Variants in GRIA1 observed in about 807,000 individuals in gnomAD.
GRIA1 encodes glutamate receptor 1.
In GRIA1, 31 loss-of-function variants were observed where a neutral mutation model predicts 99.2. The ratio of observed to expected loss-of-function variants is 0.31; its 90% CI spans 0.23 to 0.42. The LOEUF (loss-of-function observed/expected upper bound fraction) is 0.42. Ranked by LOEUF, GRIA1 falls within the 10% of genes least tolerant of loss-of-function variation. GRIA1 has a pLI of 1.00. For missense variants in GRIA1, 782 were observed against 1,157.5 expected, an observed-to-expected ratio of 0.68 and a Z score of 4.71; for synonymous variants, 438 against 432.4, an observed-to-expected ratio of 1.01 and a Z score of -0.16.
At chr5:153,666,855 C>G (rs1200642140) in intron 5 of GRIA1, among the ~76,000 whole-genome samples, 1 of 152,174 alleles carries the variant, frequency 6.6e-6, no homozygotes, top group Non-Finnish European at 1.5e-5. Flanking sequence ...TTTGCCCTTT[C>G]ATTGGCTCTG....
chr5:153,508,277 T>C (rs143827787), intron 2 of GRIA1, among the ~76,000 whole-genome samples: 4 of 152,300 alleles, frequency 2.6e-5, no homozygotes, highest in South Asian at 4.1e-4. Context: ...GTCTAATATG[T>C]AGGCACTAGC....
chr5:153,776,487 G>A (rs372152986), intron 13 of GRIA1, among the ~76,000 whole-genome samples: 83 of 152,248 alleles, frequency 5.5e-4, no homozygotes, highest in African/African-American at 1.8e-3. Flanking sequence ...GGCATCCCTG[G>A]AAAGGACACA....
intron 13 of GRIA1, among the ~76,000 whole-genome samples, chr5:153,783,528 G>C (rs1764773331): frequency 6.6e-6 from 1 of 152,214 alleles, no homozygotes; most frequent in Non-Finnish European, 1.5e-5. Flanking sequence ...TGTTGGAGGA[G>C]CCAGACTTCA....
intron 2 of GRIA1, among the ~76,000 whole-genome samples, chr5:153,583,829 G>C (rs971301847): frequency 2.0e-5 from 3 of 152,156 alleles, no homozygotes; most frequent in African/African-American, 7.2e-5. Flanking sequence ...CTGAGGGCTG[G>C]GAAAGGGACA....
intron 11 of GRIA1, among the ~76,000 whole-genome samples, chr5:153,724,619 A>G (rs1760361211): frequency 6.6e-6 from 1 of 152,262 alleles, no homozygotes. Context: ...TCAGGAGCCG[A>G]TGCGATCAAC....
chr5:153,781,380 TA>T (rs1337830416), intron 13 of GRIA1, among the ~76,000 whole-genome samples: 2 of 151,934 alleles, frequency 1.3e-5, no homozygotes, highest in East Asian at 3.9e-4. Context: ...ATAGTTGCAT[TA>T]GTCAAGCCAG....
intron 2 of GRIA1, among the ~76,000 whole-genome samples, chr5:153,519,690 C>T (rs503525): frequency 0.19 from 29,426 of 151,994 alleles, 3,226 homozygotes; most frequent in Middle Eastern, 0.31. Flanking sequence ...AAGCATGCTT[C>T]AACCAGCAAA....
In GRIA1 at chr5:153,646,912, T is replaced by C; in HGVS notation, c.221-16T>C. ...TTTGCAGTCTTCTATTCATTAATCC[T>C]TCTCTTCTCTTGTAGTCTGTTCCCA... On this transcript the variant is annotated splice_polypyrimidine_tract_variant and intron_variant, in intron 2 of 15. Transcript: ENST00000285900. 6.2e-7 allele frequency: 1 copy of C among 1,612,856 alleles called. No homozygotes were observed. The highest frequency in any genetic ancestry group is 1.1e-5 in the South Asian group (1 of 90,906).
At chr5:153,607,471 A>G (rs996911591) in intron 2 of GRIA1, among the ~76,000 whole-genome samples, 1 of 151,780 alleles carries the variant, frequency 6.6e-6, no homozygotes, top group Non-Finnish European at 1.5e-5. Flanking sequence ...GCATTTGTAA[A>G]GCCTTGCATT....
At chr5:153,742,341 ACT>A (rs1357551567) in intron 11 of GRIA1, among the ~76,000 whole-genome samples, 2 of 152,010 alleles carry the variant, frequency 1.3e-5, no homozygotes, top group African/African-American at 4.8e-5. Context: ...GTTACCACTC[ACT>A]CTGTCAGTCG....
rs749176690 is a variant in GRIA1, at chr5:153,802,317, T to C, written c.2386-39T>C. 6 of 1,607,288 alleles carry C rather than the reference T, an allele frequency of 3.7e-6. No homozygotes were observed. The African/African-American group carries it at 8.0e-5, about 22-fold the overall frequency. On this transcript the variant is annotated intron_variant, in intron 14 of 15. Transcript: ENST00000285900. ...TCTTTAGCCTCTTGACTCACTTTAT[T>C]CTTCCCCCTCCCCTTCCTTTCCCTC...
chr5:153,631,755 G>A (rs1365174254), intron 2 of GRIA1, among the ~76,000 whole-genome samples: 1 of 152,004 alleles, frequency 6.6e-6, no homozygotes, highest in Non-Finnish European at 1.5e-5. Flanking sequence ...CAGTTAAGAG[G>A]GCTTCAACTG....
chr5:153,649,244 A>C (rs1050019827), intron 3 of GRIA1, among the ~76,000 whole-genome samples: 1 of 152,172 alleles, frequency 6.6e-6, no homozygotes, highest in African/African-American at 2.4e-5. Context: ...ATCTTACCTC[A>C]AGAACTGTAA....
At chr5:153,582,342 A>C (rs72802643) in intron 2 of GRIA1, among the ~76,000 whole-genome samples, 1 of 152,170 alleles carries the variant, frequency 6.6e-6, no homozygotes, top group Admixed American at 6.5e-5. Context: ...AATGGGGATC[A>C]GGGTGTCTTG....
At chr5:153,777,092 A>T (rs1764306141) in intron 13 of GRIA1, among the ~76,000 whole-genome samples, 1 of 152,120 alleles carries the variant, frequency 6.6e-6, no homozygotes, top group Admixed American at 6.6e-5. Flanking sequence ...TTACCTAGGG[A>T]GCTGGTTTAA....
At chr5:153,505,499 A>G (rs1755409684) in intron 2 of GRIA1, among the ~76,000 whole-genome samples, 1 of 152,254 alleles carries the variant, frequency 6.6e-6, no homozygotes, top group East Asian at 1.9e-4. Flanking sequence ...AGGAAAGGTA[A>G]ATACAGTAAG....
intron 2 of GRIA1, among the ~76,000 whole-genome samples, chr5:153,605,080 G>C (rs1482532809): frequency 6.6e-6 from 1 of 151,998 alleles, no homozygotes; most frequent in Non-Finnish European, 1.5e-5. Flanking sequence ...CCAGCTACTA[G>C]GGAGGCTGAG....
At chr5:153,805,233 G>T (rs1216357438) in intron 15 of GRIA1, among the ~76,000 whole-genome samples, 1 of 152,118 alleles carries the variant, frequency 6.6e-6, no homozygotes, top group Non-Finnish European at 1.5e-5. Context: ...GTTACTAGTG[G>T]CCAGATACAT....
At chr5:153,696,652 G>A (rs1481887266) in intron 8 of GRIA1, among the ~76,000 whole-genome samples, 1 of 152,224 alleles carries the variant, frequency 6.6e-6, no homozygotes, top group African/African-American at 2.4e-5. Context: ...TTTGGCAAAT[G>A]CCTCAGTTTT....
Sources: gnomAD v4.1 joint callset for allele counts (sites outside exome capture counted in the v4.1 genomes callset) on GRCh38, gnomAD v4.1.1 for gene constraint, MANE v1.5 for transcripts, NCBI Gene and HGNC (gene_info 2026-07-23, HGNC 2026-07-21) for gene names.